The following REXO1 variants were observed in gnomAD, a reference collection of about 807,000 sequenced individuals.
The protein encoded by REXO1 is RNA exonuclease 1 homolog.
A neutral mutation model predicts 102.6 loss-of-function variants in REXO1; 42 were observed. The ratio of observed to expected loss-of-function variants is 0.41; its 90% CI spans 0.32 to 0.53. The LOEUF is 0.53. REXO1 is among the 20% of genes least tolerant of loss of function. The pLI is 0.27. For synonymous variants in REXO1, 908 were observed against 779.1 expected, an observed-to-expected ratio of 1.17 and a Z score of -2.76; for missense variants, 1,819 against 1,732.5, an observed-to-expected ratio of 1.05 and a Z score of -0.89.
chr19:1,824,110 C>T (rs934279563), intron 3 of REXO1: 14 of 264,878 alleles, frequency 5.3e-5, no homozygotes, highest in Non-Finnish European at 1.0e-4. Context: ...TCCTCAAAGC[C>T]CCTCCTCTGG....
chr19:1,834,346 C>A (rs1434033972), intron 1 of REXO1, among the ~76,000 whole-genome samples: 1 of 152,176 alleles, frequency 6.6e-6, no homozygotes, highest in Non-Finnish European at 1.5e-5. Context: ...GGCCCCCAAG[C>A]AGAGCGCAGG....
intron 1 of REXO1, among the ~76,000 whole-genome samples, chr19:1,843,240 G>T (rs1458416410): frequency 6.7e-6 from 1 of 149,780 alleles, no homozygotes; most frequent in Non-Finnish European, 1.5e-5. Context: ...AGCCGCAGCT[G>T]GGCAAAGCTT....
At chr19:1,824,794 T>C (rs148605769) in intron 3 of REXO1, among the ~76,000 whole-genome samples, 1 of 151,320 alleles carries the variant, frequency 6.6e-6, no homozygotes, top group East Asian at 2.0e-4. Context: ...TTTTATGTAT[T>C]TATCTTTTTG....
intron 1 of REXO1, among the ~76,000 whole-genome samples, chr19:1,842,081 G>C (rs916332411): frequency 6.6e-6 from 1 of 152,122 alleles, no homozygotes; most frequent in Non-Finnish European, 1.5e-5. Flanking sequence ...CGTGGTAGCA[G>C]GTGCCTGTAA....
In REXO1 at chr19:1,818,797, G is replaced by A; in HGVS notation, c.2811C>T (p.Asp937=). The A allele has an allele frequency of 6.2e-7, 1 of 1,609,750 alleles. No individual in the cohort carries two copies. The highest frequency in any genetic ancestry group is 1.1e-5 in the South Asian group (1 of 91,056). ...AGGGGTAGCCGTTCTCCTTGAGCTG[G>A]TCCTGGGTGAGCAGGTACTCCCTGA... is the stretch of plus-strand genomic sequence containing the variant. The part of the protein sequence containing the change: ...SRLREYLLTQ[D]QLKENGYPFP... Residue 937 remains aspartate, a synonymous_variant, in exon 9 of 16, where the codon GAC becomes GAT. Coordinates refer to ENST00000170168, the MANE Select transcript of REXO1 (RefSeq NM_020695.4).
At chr19:1,847,699 A>G (rs1609761) in intron 1 of REXO1, among the ~76,000 whole-genome samples, 1 of 152,060 alleles carries the variant, frequency 6.6e-6, no homozygotes, top group African/African-American at 2.4e-5. Flanking sequence ...CTCGACAAAC[A>G]CAAGAGACGA....
intron 15 of REXO1, 21 bp downstream of exon 15, chr19:1,816,197 CGGCCCCA>C: frequency 6.4e-7 from 1 of 1,569,768 alleles, no homozygotes; most frequent in African/African-American, 1.3e-5. Context: ...TGCGCAGGGA[CGGCCCCA>C]GGGCAGGCAC....
chr19:1,817,093 G>C, intron 12 of REXO1, 126 bp downstream of exon 12: 1 of 1,169,418 alleles, frequency 8.6e-7, no homozygotes, highest in Non-Finnish European at 1.2e-6. Flanking sequence ...CACAGGCACC[G>C]GTGCTGCGAG....
At chr19:1,833,981 C>T (rs986676578) in intron 1 of REXO1, among the ~76,000 whole-genome samples, 6 of 152,194 alleles carry the variant, frequency 3.9e-5, no homozygotes, top group East Asian at 1.9e-4. Flanking sequence ...GAAGGCTCTC[C>T]TCCCCAGGCA....
chr19:1,823,750 C>T lies in REXO1; in HGVS notation c.2052G>A (p.Pro684=), dbSNP rs754290946. 13 of 1,260,520 alleles carry T rather than the reference C, an allele frequency of 1.0e-5. No homozygotes were observed. The Admixed American group carries it at 3.5e-4, about 34-fold the overall frequency. 78.1% of individuals were successfully genotyped at this position (1,260,520 alleles called of 1,614,324 possible). Residue 684 remains proline (P), a synonymous_variant, in exon 4 of 16, where the codon CCG becomes CCA. Coordinates refer to ENST00000170168, the MANE Select transcript of REXO1 (RefSeq NM_020695.4). ...EPPRRGPAVP[P]ARPPTAQEVC... ...CCTCCTGCGCCGTCGGGGGCCGGGC[C>T]GGGGGCACCGCGGGACCCCTCCTCG... is the stretch of plus-strand genomic sequence containing the variant.
intron 1 of REXO1, among the ~76,000 whole-genome samples, chr19:1,846,279 CTGA>C (rs2011535558): frequency 6.6e-6 from 1 of 152,208 alleles, no homozygotes; most frequent in African/African-American, 2.4e-5. Context: ...AGAGGGCAGC[CTGA>C]TGAACATGTC....
At chr19:1,840,640 C>T (rs1292896183) in intron 1 of REXO1, among the ~76,000 whole-genome samples, 1 of 152,080 alleles carries the variant, frequency 6.6e-6, no homozygotes, top group Admixed American at 6.6e-5. Flanking sequence ...TCGCCCCACC[C>T]CCCTGCAACT....
At position 1,816,262 on chromosome 19, in the gene REXO1, G is replaced by A; in HGVS notation, c.3540C>T (p.Leu1180=). 1.3e-6 allele frequency: 2 copies of A among 1,589,498 alleles called. No homozygotes were observed. Among genetic ancestry groups the A allele is most frequent in the Non-Finnish European group, 1.7e-6 (2 of 1,168,280 alleles). Residue 1180 remains leucine, a synonymous_variant, in exon 15 of 16, where the codon CTC becomes CTT. Coordinates refer to ENST00000170168, the MANE Select transcript of REXO1 (RefSeq NM_020695.4). ...TGATCTGTCTGAGGTAGTCGGCCAT[G>A]AGGTTCCGCAGGGACCGCTTGTAGG... ...GLPYKRSLRN[L]MADYLRQIIQ...
At chr19:1,822,559 C>T (rs936522255) in intron 4 of REXO1, 1 of 152,338 alleles carries the variant, frequency 6.6e-6, no homozygotes, top group African/African-American at 2.4e-5. Flanking sequence ...GGCGGCGGGC[C>T]CCAAGGGCAC....
chr19:1,826,560 G>A lies in REXO1; in HGVS notation c.1911+318C>T, dbSNP rs954121205. 6.6e-6 allele frequency among the ~76,000 whole-genome samples: 1 copy of A among 151,690 alleles called. No homozygotes were observed. Among genetic ancestry groups the A allele is most frequent in the African/African-American group, 2.4e-5 (1 of 41,254 alleles). Reference sequence around the variant, plus strand: ...GGGGCTAGAAGGGTGTGCCGGAGGTGGATTCCCCTGAGGTGGGTGGGTGGG... The same window carrying A: ...GGGGCTAGAAGGGTGTGCCGGAGGTAGATTCCCCTGAGGTGGGTGGGTGGG... On this transcript the variant is annotated intron_variant, in intron 2 of 15. Coordinates refer to ENST00000170168, the MANE Select transcript of REXO1 (RefSeq NM_020695.4). The surrounding 1 kb of genome is among the most constrained non-coding windows in gnomAD (Gnocchi z 4.3).
At chr19:1,830,011 G>C (rs1426415432) in intron 1 of REXO1, among the ~76,000 whole-genome samples, 1 of 152,166 alleles carries the variant, frequency 6.6e-6, no homozygotes, top group African/African-American at 2.4e-5. Flanking sequence ...TATTTACGTG[G>C]TTCCAGAACA....
At position 1,848,233 on chromosome 19, in the gene REXO1, G is replaced by T; in HGVS notation, c.126C>A (p.Pro42=). 8.1e-7 allele frequency: 1 copy of T among 1,228,040 alleles called. No individual in the cohort carries two copies. The allele number at this position is 1,228,040 out of a possible 1,614,324, so 76.1% of individuals were successfully genotyped here. A position where few individuals can be genotyped will look rare whatever the true frequency, so the allele number is the denominator to read the frequency against. Reference sequence around the variant, plus strand: ...CGGGGGGCGCCTCTCCGCCGTCACCGGGCGCGCCGGAGCCCCGGGCCCCGC... The same window carrying T: ...CGGGGGGCGCCTCTCCGCCGTCACCTGGCGCGCCGGAGCCCCGGGCCCCGC... ...RHRGARGSGA[P]GDGGEAPPAA... The change falls in exon 1 of 16, where the codon CCC becomes CCA. Residue 42 remains proline (P), a synonymous_variant. Coordinates refer to ENST00000170168, the MANE Select transcript of REXO1 (RefSeq NM_020695.4).
intron 1 of REXO1, among the ~76,000 whole-genome samples, chr19:1,847,530 A>C (rs561452332): frequency 6.6e-6 from 1 of 152,176 alleles, no homozygotes; most frequent in South Asian, 2.1e-4. Flanking sequence ...TCCAAATCCC[A>C]CATCTCCTCC....
intron 3 of REXO1, among the ~76,000 whole-genome samples, chr19:1,825,597 T>G (rs1464029553): frequency 6.6e-6 from 1 of 151,820 alleles, no homozygotes; most frequent in Non-Finnish European, 1.5e-5. Context: ...TGCCTCAGCC[T>G]CTCTAGTAGC....
Sources: gnomAD v4.1 joint callset for allele counts (sites outside exome capture counted in the v4.1 genomes callset) on GRCh38, gnomAD v4.1.1 for gene constraint, Gnocchi (gnomAD v3.1) non-coding constraint, MANE v1.5 for transcripts, NCBI Gene and HGNC (gene_info 2026-07-23, HGNC 2026-07-21) for gene names.